The following TAF3 variants were observed in gnomAD, a reference collection of about 807,000 sequenced individuals.
TAF3 encodes the protein TATA-box binding protein associated factor 3.
A neutral mutation model predicts 80.6 loss-of-function variants in TAF3; 7 were observed. That is an observed-to-expected ratio of 0.09 (90% CI 0.05 to 0.16). The LOEUF is 0.16. TAF3 is among the 10% of genes least tolerant of loss of function. The pLI, the probability that TAF3 is intolerant of heterozygous loss-of-function variation, is 1.00. For missense variants in TAF3, 921 were observed against 1,140.2 expected (o/e 0.81, Z 2.77); for synonymous variants, 444 against 446.1 (o/e 1.00, Z 0.06).
At chr10:7,934,602 G>A (rs555597650) in intron 2 of TAF3, among the ~76,000 whole-genome samples, 2 of 151,996 alleles carry the variant, frequency 1.3e-5, no homozygotes, top group East Asian at 1.9e-4. Context: ...CCGCCACCAC[G>A]CCTGGCTAAT....
rs1382284630 is a variant in TAF3 at position 8,009,717 on chromosome 10, G to T, written c.2568+387G>T. ...GCTCACTGCAACCTCCACCTCCCAG[G>T]TTCAAGCGATTCTCCTGCCTCAGCC... On this transcript the variant is annotated intron_variant, in intron 5 of 6. Transcript: ENST00000344293. This position sits in a 1 kb window ranked among gnomAD's most constrained non-coding sequence, Gnocchi z 4.1. Among the ~76,000 whole-genome samples the T allele has an allele frequency of 1.3e-5, 2 of 151,966 alleles. No homozygotes were observed. Among genetic ancestry groups the T allele is most frequent in the Admixed American group, 6.5e-5 (1 of 15,278 alleles).
intron 2 of TAF3, among the ~76,000 whole-genome samples, chr10:7,952,630 T>A (rs1838092449): frequency 6.6e-6 from 1 of 152,214 alleles, no homozygotes; most frequent in Non-Finnish European, 1.5e-5. Context: ...AGCATTTTAG[T>A]TTTTTATTGT....
chr10:7,888,194 C>T (rs1837427325), intron 2 of TAF3, among the ~76,000 whole-genome samples: 1 of 152,164 alleles, frequency 6.6e-6, no homozygotes. Context: ...CCAGGATCTA[C>T]ACCCCTTCCT....
intron 2 of TAF3, among the ~76,000 whole-genome samples, chr10:7,852,568 G>A (rs1588524472): frequency 6.6e-6 from 1 of 152,136 alleles, no homozygotes; most frequent in African/African-American, 2.4e-5. Context: ...TGGTATAGTC[G>A]GTTCTAAGAG....
intron 3 of TAF3, among the ~76,000 whole-genome samples, chr10:7,968,972 G>A (rs1445228617): frequency 6.6e-6 from 1 of 152,124 alleles, no homozygotes; most frequent in African/African-American, 2.4e-5. Context: ...TGGGACTCTA[G>A]ACTGTCACTT....
intron 2 of TAF3, among the ~76,000 whole-genome samples, chr10:7,903,147 A>G (rs541789045): frequency 3.9e-5 from 6 of 152,226 alleles, no homozygotes; most frequent in African/African-American, 7.2e-5. Context: ...TTGAGCCTAG[A>G]AAGTCGAGGC....
chr10:7,846,236 C>T (rs1224640175), intron 2 of TAF3, among the ~76,000 whole-genome samples: 2 of 152,104 alleles, frequency 1.3e-5, no homozygotes, highest in Non-Finnish European at 1.5e-5. Flanking sequence ...GCATTACAGG[C>T]ATGAGCCACT....
chr10:7,974,166 ACACACAAAC>A, intron 3 of TAF3, among the ~76,000 whole-genome samples: 1 of 150,576 alleles, frequency 6.6e-6, no homozygotes, highest in South Asian at 2.1e-4. Flanking sequence ...ACACACACAC[ACACACAAAC>A]ACACACACGA....
intron 2 of TAF3, among the ~76,000 whole-genome samples, chr10:7,840,954 A>G (rs1564345009): frequency 1.3e-5 from 2 of 151,480 alleles, no homozygotes; most frequent in African/African-American, 2.4e-5. Context: ...GGTTCAAGCT[A>G]TTCTCCTGCC....
chr10:7,913,620 G>A (rs1399442203), intron 2 of TAF3, among the ~76,000 whole-genome samples: 1 of 152,164 alleles, frequency 6.6e-6, no homozygotes, highest in Admixed American at 6.5e-5. Context: ...GGCATCCTTT[G>A]TTCCCCAGTA....
chr10:8,006,459 A>G (rs1831994888), intron 4 of TAF3, among the ~76,000 whole-genome samples: 1 of 152,090 alleles, frequency 6.6e-6, no homozygotes, highest in Non-Finnish European at 1.5e-5. Flanking sequence ...TCAAGTGCTT[A>G]GGACAGTCAG....
chr10:7,823,310 AC>A (rs1356666473), intron 1 of TAF3, among the ~76,000 whole-genome samples: 3 of 151,626 alleles, frequency 2.0e-5, no homozygotes, highest in South Asian at 2.1e-4. Context: ...CTTTGTCAGC[AC>A]AGCACACTAC....
chr10:7,968,734 T>A (rs552061520), intron 3 of TAF3, among the ~76,000 whole-genome samples: 1 of 152,302 alleles, frequency 6.6e-6, no homozygotes, highest in African/African-American at 2.4e-5. Context: ...AGTAAGTGAT[T>A]GAACAGGAGC....
At chr10:7,934,840 A>G (rs374628790) in intron 2 of TAF3, among the ~76,000 whole-genome samples, 1 of 152,364 alleles carries the variant, frequency 6.6e-6, no homozygotes, top group African/African-American at 2.4e-5. Context: ...TAATCTATTC[A>G]TTTCAAAAAT....
chr10:7,887,405 T>C (rs183710687), intron 2 of TAF3, among the ~76,000 whole-genome samples: 51 of 152,210 alleles, frequency 3.4e-4, no homozygotes, highest in African/African-American at 1.2e-3. Flanking sequence ...GAAAGAACTT[T>C]TTGTGATTGC....
At chr10:7,822,957 A>G (rs1002278210) in intron 1 of TAF3, among the ~76,000 whole-genome samples, 2 of 152,188 alleles carry the variant, frequency 1.3e-5, no homozygotes, top group African/African-American at 4.8e-5. Context: ...TAGATAAATT[A>G]TCTTTATGGC....
intron 4 of TAF3, among the ~76,000 whole-genome samples, chr10:7,987,383 T>C (rs1261264748): frequency 6.6e-6 from 1 of 152,120 alleles, no homozygotes; most frequent in Non-Finnish European, 1.5e-5. Context: ...TCCCCTCCCC[T>C]CTAACAGATC....
rs1838004133 is a variant in TAF3, at chr10:7,944,313, T to A, written c.410-19607T>A. Among the ~76,000 whole-genome samples the A allele has an allele frequency of 2.6e-5, 4 of 152,352 alleles. No homozygotes were observed. In the South Asian group the frequency reaches 8.3e-4, roughly 32 times the overall value. ...GAACAGCCATCCCCTGCCAATTTTC[T>A]GTCTAAATTATGCAGAAATTTGACT... On this transcript the variant is annotated intron_variant, in intron 2 of 6. Coordinates refer to ENST00000344293, the MANE Select transcript of TAF3 (RefSeq NM_031923.4).
At chr10:7,888,896 G>C (rs1320423694) in intron 2 of TAF3, among the ~76,000 whole-genome samples, 2 of 152,168 alleles carry the variant, frequency 1.3e-5, no homozygotes, top group African/African-American at 4.8e-5. Flanking sequence ...CTTCTCTACT[G>C]TTGGTGTATG....
Sources: allele counts gnomAD v4.1 joint callset (sites outside exome capture counted in the v4.1 genomes callset), GRCh38; gene constraint gnomAD v4.1.1; non-coding constraint Gnocchi (gnomAD v3.1); transcripts MANE v1.5; gene names NCBI Gene and HGNC (gene_info 2026-07-23, HGNC 2026-07-21).